Variants in KIF13B observed in about 807,000 individuals in gnomAD.
KIF13B encodes the protein kinesin family member 13B.
KIF13B carries 127 observed loss-of-function variants against 222.0 expected under a neutral mutation model. The ratio of observed to expected loss-of-function variants is 0.57; its 90% CI spans 0.50 to 0.66. The LOEUF is 0.66. Among genes scored for constraint, KIF13B ranks in the 30% least tolerant of loss-of-function variants. The pLI is 0.00. For synonymous variants in KIF13B, 976 were observed against 919.0 expected (o/e 1.06, Z -1.12); for missense variants, 2,173 against 2,379.0 (o/e 0.91, Z 1.80).
At chr8:29,159,353 T>C (rs1039203052) in intron 13 of KIF13B, among the ~76,000 whole-genome samples, 4 of 152,162 alleles carry the variant, frequency 2.6e-5, no homozygotes, top group East Asian at 1.9e-4. Flanking sequence ...TTTCATCATG[T>C]TGGCCAGGCT....
intron 35 of KIF13B, among the ~76,000 whole-genome samples, chr8:29,101,235 A>C (rs1457210064): frequency 6.6e-6 from 1 of 152,218 alleles, no homozygotes; most frequent in Non-Finnish European, 1.5e-5. Context: ...CTGAACACTA[A>C]GATCAGCCCT....
chr8:29,100,255 G>A (rs1002308407), intron 35 of KIF13B, among the ~76,000 whole-genome samples: 1 of 152,152 alleles, frequency 6.6e-6, no homozygotes, highest in African/African-American at 2.4e-5. Flanking sequence ...TACCATCAAA[G>A]CACTTTTAAC....
At chr8:29,262,574 G>C (rs1277621055) in intron 1 of KIF13B, among the ~76,000 whole-genome samples, 2 of 151,844 alleles carry the variant, frequency 1.3e-5, no homozygotes, top group African/African-American at 2.4e-5. Flanking sequence ...GCAGGGGCTG[G>C]CGACCCGCGC....
intron 2 of KIF13B, among the ~76,000 whole-genome samples, chr8:29,212,980 G>A (rs574630402): frequency 2.9e-4 from 44 of 152,094 alleles, no homozygotes; most frequent in Admixed American, 5.2e-4. Flanking sequence ...GATGAGACAA[G>A]AGGTAATTAG....
intron 2 of KIF13B, among the ~76,000 whole-genome samples, chr8:29,207,941 G>A (rs2130455793): frequency 6.6e-6 from 1 of 152,326 alleles, no homozygotes; most frequent in South Asian, 2.1e-4. Flanking sequence ...CAGGCACCAT[G>A]TGAGGAGAGC....
rs150364713 is a variant in KIF13B, at chr8:29,144,001, G to GA, written c.2188-1699dup. 7.3e-3 allele frequency among the ~76,000 whole-genome samples: 1,057 copies of GA among 145,448 alleles called. 10 individuals are homozygous for GA. Among genetic ancestry groups the GA allele is most frequent in the African/African-American group, 0.026 (1,024 of 39,276 alleles). ...ACTTGAGCAATGTGTTTTTAATGTA[G>GA]AAAAAATTTTAGAACTTTTAAAAAA... On this transcript the variant is annotated intron_variant, in intron 18 of 39. Transcript: ENST00000524189.
chr8:29,128,632 G>A (rs1398636116), intron 24 of KIF13B, among the ~76,000 whole-genome samples: 1 of 152,174 alleles, frequency 6.6e-6, no homozygotes, highest in African/African-American at 2.4e-5. Flanking sequence ...GTGAATCTGT[G>A]CCTAAGTGTG....
At chr8:29,117,578 CT>C (rs1183190240) in intron 30 of KIF13B, among the ~76,000 whole-genome samples, 1 of 152,150 alleles carries the variant, frequency 6.6e-6, no homozygotes, top group Non-Finnish European at 1.5e-5. Context: ...ACGCTTGACC[CT>C]GCTGAACTGG....
At chr8:29,177,104 T>C (rs1812512487) in intron 9 of KIF13B, among the ~76,000 whole-genome samples, 3 of 152,120 alleles carry the variant, frequency 2.0e-5, no homozygotes. Flanking sequence ...CCATGGTTGT[T>C]GAAAGTGAGT....
intron 29 of KIF13B, among the ~76,000 whole-genome samples, chr8:29,122,059 C>A (rs1193862765): frequency 1.3e-5 from 2 of 151,934 alleles, no homozygotes; most frequent in Admixed American, 1.3e-4. Context: ...TCGAGACCAT[C>A]CTGGCTAACA....
At chr8:29,257,951 GT>G (rs2117179833) in intron 1 of KIF13B, among the ~76,000 whole-genome samples, 1 of 152,340 alleles carries the variant, frequency 6.6e-6, no homozygotes, top group South Asian at 2.1e-4. Context: ...CAGTCACTGA[GT>G]TGACAGTAGA....
chr8:29,140,246 T>TGA, intron 20 of KIF13B, 55 bp from the exon 21 acceptor site: 1 of 1,604,190 alleles, frequency 6.2e-7, no homozygotes, highest in South Asian at 1.1e-5. Flanking sequence ...CGTGCTCCCT[T>TGA]GAGATGACCT....
intron 2 of KIF13B, among the ~76,000 whole-genome samples, chr8:29,215,998 A>T (rs1170544946): frequency 1.3e-5 from 2 of 152,226 alleles, no homozygotes; most frequent in Admixed American, 6.5e-5. Context: ...AATACACCCA[A>T]TACTGATCAC....
Position 29,071,685 on chromosome 8 carries a change from C to T in KIF13B, c.5153G>A (p.Arg1718Lys). 6.4e-7 allele frequency: 1 copy of T among 1,553,836 alleles called. No homozygotes were observed. The highest frequency in any genetic ancestry group is 8.7e-7 in the Non-Finnish European group (1 of 1,148,964). Residue 1718 changes from arginine to lysine, a missense_variant, in exon 39 of 40, where the codon AGA (arginine) becomes AAA (lysine). Arg to Lys is a conservative substitution (Grantham distance 26). This residue lies in a region of KIF13B where 693 missense variants were observed against 656.2 expected (regional missense o/e 1.06). Transcript: ENST00000524189. The surrounding 1 kb of genome is among the most constrained non-coding windows in gnomAD (Gnocchi z 4.9). Reference sequence around the variant, plus strand: ...TTGGAAGTCGGCAGGCCCCACGTATCTCACCACGCCCGTTTTGTGGGCGCC... The same window carrying T: ...TTGGAAGTCGGCAGGCCCCACGTATTTCACCACGCCCGTTTTGTGGGCGCC... ...TVGAHKTGVVRYVGPADFQEG... is the reference protein window; with the variant it reads ...TVGAHKTGVVKYVGPADFQEG...
At chr8:29,119,244 A>C (rs1809744488) in intron 29 of KIF13B, among the ~76,000 whole-genome samples, 2 of 152,214 alleles carry the variant, frequency 1.3e-5, no homozygotes, top group Non-Finnish European at 2.9e-5. Flanking sequence ...AAATGAAACC[A>C]AGATACCTAA....
intron 4 of KIF13B, 100 bp downstream of exon 4, chr8:29,190,895 AAC>A (rs1356602607): frequency 1.4e-5 from 12 of 870,592 alleles, no homozygotes; most frequent in South Asian, 4.0e-5. Flanking sequence ...CAGCAGAGGA[AAC>A]ACACAGTTTG....
chr8:29,142,421 T>A (rs1810858143), intron 18 of KIF13B, 118 bp from the exon 19 acceptor site: 1 of 839,100 alleles, frequency 1.2e-6, no homozygotes. Context: ...GCAATCATCC[T>A]TTAATCTGTT....
intron 21 of KIF13B, among the ~76,000 whole-genome samples, chr8:29,138,064 A>C (rs556417578): frequency 5.9e-5 from 9 of 152,352 alleles, no homozygotes; most frequent in African/African-American, 1.9e-4. Flanking sequence ...TATTTTAAAA[A>C]TTAGTCCGGA....
At chr8:29,103,680 C>G (rs1242299199) in intron 35 of KIF13B, among the ~76,000 whole-genome samples, 1 of 152,080 alleles carries the variant, frequency 6.6e-6, no homozygotes, top group Non-Finnish European at 1.5e-5. Context: ...TTCCACTTTT[C>G]ATATGTAGGG....
Sources: gnomAD v4.1 joint callset for allele counts (sites outside exome capture counted in the v4.1 genomes callset) on GRCh38, gnomAD v4.1.1 for gene constraint, gnomAD v4.1.1 regional missense constraint, Gnocchi (gnomAD v3.1) non-coding constraint, MANE v1.5 for transcripts, NCBI Gene and HGNC (gene_info 2026-07-23, HGNC 2026-07-21) for gene names.